Variants in ARHGDIB observed in about 807,000 individuals in gnomAD.
ARHGDIB encodes rho GDP-dissociation inhibitor 2.
A neutral mutation model predicts 22.6 loss-of-function variants in ARHGDIB; 20 were observed. That is an observed-to-expected ratio of 0.88 (90% CI 0.62 to 1.28). The LOEUF (loss-of-function observed/expected upper bound fraction) is 1.28, where lower values mean the gene tolerates loss of function less well. ARHGDIB is among the 50% of genes most tolerant of loss of function. The pLI is 0.00. For synonymous variants in ARHGDIB, 114 were observed against 96.1 expected (o/e 1.19, Z -1.09); for missense variants, 254 against 245.4 (o/e 1.04, Z -0.23).
intron 4 of ARHGDIB, among the ~76,000 whole-genome samples, chr12:14,945,298 A>T (rs1863986798): frequency 6.6e-6 from 1 of 152,236 alleles, no homozygotes; most frequent in Non-Finnish European, 1.5e-5. Context: ...TACCATATAA[A>T]AAACAAACAA....
At chr12:14,957,722 T>C (rs1454653877) in intron 1 of ARHGDIB, among the ~76,000 whole-genome samples, 1 of 152,058 alleles carries the variant, frequency 6.6e-6, no homozygotes, top group East Asian at 1.9e-4. Context: ...CCACAGAGAC[T>C]TAACTCACGG....
At position 14,942,395 on chromosome 12, in the gene ARHGDIB, G is replaced by T; in HGVS notation, c.*127C>A. On this transcript the variant is annotated 3_prime_UTR_variant, in exon 6 of 6. Transcript: ENST00000228945. ...GTTGAGTGACAGGGTGGGAAAAGATGCATCAATAAGGAAATGTGGCAGTGT... is the reference window on the plus strand; with the variant it reads ...GTTGAGTGACAGGGTGGGAAAAGATTCATCAATAAGGAAATGTGGCAGTGT... 9.8e-7 allele frequency: 1 copy of T among 1,015,646 alleles called. No individual in the cohort carries two copies. Among genetic ancestry groups the T allele is most frequent in the Non-Finnish European group, 1.5e-6 (1 of 673,670 alleles). 62.9% of individuals were successfully genotyped at this position (1,015,646 alleles called of 1,614,324 possible). A position where few individuals can be genotyped will look rare whatever the true frequency, so the allele number is the denominator to read the frequency against.
At chr12:14,943,404 G>GTTGT (rs1555102113) in intron 5 of ARHGDIB, among the ~76,000 whole-genome samples, 16 of 140,932 alleles carry the variant, frequency 1.1e-4, no homozygotes, top group African/African-American at 3.4e-4. Context: ...TGTTGTTGTT[G>GTTGT]TTTTTTTTAT....
intron 1 of ARHGDIB, among the ~76,000 whole-genome samples, chr12:14,954,637 A>T (rs527414964): frequency 1.3e-5 from 2 of 152,196 alleles, no homozygotes; most frequent in African/African-American, 2.4e-5. Flanking sequence ...GGGATGAGGG[A>T]TTAGAGCACA....
At chr12:14,953,672 G>C (rs1483731802) in intron 1 of ARHGDIB, among the ~76,000 whole-genome samples, 1 of 151,934 alleles carries the variant, frequency 6.6e-6, no homozygotes, top group Non-Finnish European at 1.5e-5. Context: ...TTGTGCATAT[G>C]ATCCAGGGGT....
chr12:14,957,840 G>A (rs116339036), intron 1 of ARHGDIB, among the ~76,000 whole-genome samples: 3,201 of 150,240 alleles, frequency 0.021, 102 homozygotes, highest in African/African-American at 0.072. Context: ...AGAGAAGGAA[G>A]AGGGGAAAGA....
chr12:14,949,396 C>T (rs1003435937), intron 3 of ARHGDIB, among the ~76,000 whole-genome samples: 1 of 152,076 alleles, frequency 6.6e-6, no homozygotes, highest in Non-Finnish European at 1.5e-5. Context: ...TTCCGGATTG[C>T]TTCTCACCTT....
At chr12:14,957,381 AG>A (rs1864324374) in intron 1 of ARHGDIB, among the ~76,000 whole-genome samples, 1 of 152,182 alleles carries the variant, frequency 6.6e-6, no homozygotes, top group Admixed American at 6.5e-5. Context: ...CACTGAAGCT[AG>A]GTAACTGTTT....
chr12:14,948,099 TG>T, intron 3 of ARHGDIB, 150 bp from the exon 4 acceptor site: 2 of 309,924 alleles, frequency 6.5e-6, no homozygotes, highest in East Asian at 9.6e-5. Flanking sequence ...GTTTAGTCCT[TG>T]CACACACACA....
rs1378546531 is a variant in ARHGDIB at position 14,954,424 on chromosome 12, G to GGGGCACCACA, written c.-12-3701_-12-3700insTGTGGTGCCC. 5.9e-5 allele frequency among the ~76,000 whole-genome samples: 9 copies of GGGGCACCACA among 152,368 alleles called. No individual in the cohort carries two copies. In the East Asian group the frequency reaches 1.5e-3, roughly 26 times the overall value. On this transcript the variant is annotated intron_variant, in intron 1 of 5. Coordinates refer to ENST00000228945, the MANE Select transcript of ARHGDIB (RefSeq NM_001175.7). ...GCGCATGACCACAAAGCCTGGCAGA[G>GGGGCACCACA]AAGCCCAGGTGCACATGGGTGCAGG... is the stretch of plus-strand genomic sequence containing the variant.
intron 2 of ARHGDIB, among the ~76,000 whole-genome samples, 163 bp downstream of exon 2, chr12:14,950,369 A>G (rs1864139395): frequency 6.6e-6 from 1 of 152,188 alleles, no homozygotes; most frequent in Non-Finnish European, 1.5e-5. Flanking sequence ...AGAAGACTTA[A>G]TTATACAGTT....
chr12:14,951,848 A>G (rs941134253), intron 1 of ARHGDIB, among the ~76,000 whole-genome samples: 1 of 151,888 alleles, frequency 6.6e-6, no homozygotes. Context: ...ATCATTGAGG[A>G]TATTGAGATC....
At chr12:14,953,051 G>A (rs758780715) in intron 1 of ARHGDIB, among the ~76,000 whole-genome samples, 3 of 152,290 alleles carry the variant, frequency 2.0e-5, no homozygotes, top group Admixed American at 6.5e-5. Flanking sequence ...CCATTGGCAT[G>A]TCCATTTATC....
chr12:14,953,293 A>G (rs967145324), intron 1 of ARHGDIB, among the ~76,000 whole-genome samples: 1 of 152,212 alleles, frequency 6.6e-6, no homozygotes, highest in Non-Finnish European at 1.5e-5. Flanking sequence ...CATAAGAAAA[A>G]GAGATATGAG....
chr12:14,948,044 G>T, intron 3 of ARHGDIB, 95 bp from the exon 4 acceptor site: 1 of 937,064 alleles, frequency 1.1e-6, no homozygotes. Flanking sequence ...TTGGGCCCAC[G>T]AGGGCAACAT....
rs1032961027 is a variant in ARHGDIB, at chr12:14,942,193, C to T, written c.*329G>A. 2.0e-5 allele frequency: 6 copies of T among 303,156 alleles called. No homozygotes were observed. The highest frequency in any genetic ancestry group is 3.2e-5 in the Non-Finnish European group (5 of 155,932). The allele number at this position is 303,156 out of a possible 1,614,324, so 18.8% of individuals were successfully genotyped here. ...AACTACTGGAACCTGAGTCAAAGAC[C>T]TGTTAGTGATAATTTGCCCATTTTC... is the stretch of plus-strand genomic sequence containing the variant. On this transcript the variant is annotated 3_prime_UTR_variant, in exon 6 of 6. Coordinates refer to ENST00000228945, the MANE Select transcript of ARHGDIB (RefSeq NM_001175.7).
intron 5 of ARHGDIB, among the ~76,000 whole-genome samples, chr12:14,943,030 G>C (rs964425649): frequency 6.6e-6 from 1 of 152,026 alleles, no homozygotes; most frequent in Non-Finnish European, 1.5e-5. Context: ...CACCATGCTT[G>C]GCTAATTTTG....
chr12:14,953,758 T>C (rs529781935), intron 1 of ARHGDIB, among the ~76,000 whole-genome samples: 5 of 152,230 alleles, frequency 3.3e-5, no homozygotes, highest in South Asian at 2.1e-4. Context: ...CTCAAAACTA[T>C]GGAAGCATGA....
At chr12:14,953,710 C>G (rs1275803872) in intron 1 of ARHGDIB, among the ~76,000 whole-genome samples, 1 of 151,820 alleles carries the variant, frequency 6.6e-6, no homozygotes, top group African/African-American at 2.4e-5. Context: ...CCTTTATAGA[C>G]TTATTTGGGT....
Sources: allele counts gnomAD v4.1 joint callset (sites outside exome capture counted in the v4.1 genomes callset), GRCh38; gene constraint gnomAD v4.1.1; transcripts MANE v1.5; gene names NCBI Gene and HGNC (gene_info 2026-07-23, HGNC 2026-07-21).